The following NDRG3 variants were observed in gnomAD, a reference collection of about 807,000 sequenced individuals.
NDRG3 encodes NDRG family member 3.
NDRG3 carries 23 observed loss-of-function variants against 57.2 expected under a neutral mutation model. That is an observed-to-expected ratio of 0.40 (90% confidence interval 0.29 to 0.57). NDRG3 has a LOEUF of 0.57. Ranked by LOEUF, NDRG3 falls within the 20% of genes least tolerant of loss-of-function variation. The probability of loss-of-function intolerance (pLI) is 0.42; values close to 1 mark genes in which losing one functional copy is unlikely to be tolerated. For synonymous variants in NDRG3, 132 were observed against 162.6 expected (o/e 0.81, Z 1.43); for missense variants, 384 against 457.3 (o/e 0.84, Z 1.46).
chr20:36,666,237 C>T, intron 10 of NDRG3, 52 bp downstream of exon 10: 1 of 1,378,016 alleles, frequency 7.3e-7, no homozygotes, highest in Non-Finnish European at 1.0e-6. Flanking sequence ...TCCCACCCTC[C>T]TCTTTTTAGA....
chr20:36,690,948 G>T (rs899429008), intron 3 of NDRG3, among the ~76,000 whole-genome samples: 5 of 152,256 alleles, frequency 3.3e-5, no homozygotes, highest in African/African-American at 1.2e-4. Context: ...GGAAAAAAAA[G>T]GGACTACTGA....
chr20:36,716,099 G>A (rs990075981), intron 2 of NDRG3, among the ~76,000 whole-genome samples: 1 of 151,032 alleles, frequency 6.6e-6, no homozygotes, highest in African/African-American at 2.4e-5. Context: ...TGGCATAAAC[G>A]CTTTGGCTGT....
chr20:36,739,443 C>A (rs1205053558), intron 1 of NDRG3, among the ~76,000 whole-genome samples: 2 of 138,720 alleles, frequency 1.4e-5, no homozygotes, highest in Non-Finnish European at 3.2e-5. Flanking sequence ...TGAGACTCCG[C>A]CTCAAAAAAA....
intron 8 of NDRG3, among the ~76,000 whole-genome samples, chr20:36,672,041 C>T (rs559230759): frequency 6.6e-6 from 1 of 152,242 alleles, no homozygotes; most frequent in Admixed American, 6.5e-5. Context: ...TGTATTTACA[C>T]TGGATTTATG....
At chr20:36,700,597 C>A (rs908402671) in intron 3 of NDRG3, 6 of 432,956 alleles carry the variant, frequency 1.4e-5, no homozygotes, top group African/African-American at 1.2e-4. Flanking sequence ...TTGTCTTAGT[C>A]AATTATCATC....
intron 2 of NDRG3, among the ~76,000 whole-genome samples, chr20:36,713,887 A>G (rs1375930385): frequency 6.6e-6 from 1 of 152,220 alleles, no homozygotes; most frequent in African/African-American, 2.4e-5. Flanking sequence ...GCTTTTAGAA[A>G]TAAGCTGATA....
intron 1 of NDRG3, among the ~76,000 whole-genome samples, chr20:36,728,092 C>T (rs569877282): frequency 7.3e-5 from 11 of 151,248 alleles, no homozygotes; most frequent in East Asian, 5.9e-4. Context: ...CTCGCTGTGT[C>T]GCCCAGGGTG....
At chr20:36,744,570 C>A (rs1600988573) in intron 1 of NDRG3, among the ~76,000 whole-genome samples, 1 of 151,964 alleles carries the variant, frequency 6.6e-6, no homozygotes, top group Non-Finnish European at 1.5e-5. Flanking sequence ...GAAGGCTTCA[C>A]AGAGAAGGTG....
At chr20:36,682,419 A>G in intron 7 of NDRG3, 99 bp downstream of exon 7, 5 of 940,464 alleles carry the variant, frequency 5.3e-6, no homozygotes, top group Non-Finnish European at 8.3e-6. Flanking sequence ...AAAAACTGAC[A>G]TAAGGCCCAG....
At chr20:36,726,007 C>T (rs1984912167) in intron 1 of NDRG3, among the ~76,000 whole-genome samples, 1 of 150,236 alleles carries the variant, frequency 6.7e-6, no homozygotes, top group South Asian at 2.1e-4. Flanking sequence ...TGGCTCTCAA[C>T]CTCCCAGCCT....
intron 1 of NDRG3, among the ~76,000 whole-genome samples, chr20:36,743,503 A>G (rs1281447474): frequency 6.7e-6 from 1 of 149,550 alleles, no homozygotes; most frequent in Admixed American, 6.7e-5. Context: ...TCAAAAAATA[A>G]TAATAATAAT....
At chr20:36,716,339 C>T (rs1182452689) in intron 2 of NDRG3, among the ~76,000 whole-genome samples, 3 of 152,060 alleles carry the variant, frequency 2.0e-5, no homozygotes, top group African/African-American at 7.2e-5. Context: ...TCAAGACCAG[C>T]CTGGCCAACA....
At chr20:36,689,140 G>A (rs1982047166) in intron 3 of NDRG3, among the ~76,000 whole-genome samples, 1 of 152,180 alleles carries the variant, frequency 6.6e-6, no homozygotes, top group African/African-American at 2.4e-5. Context: ...ATTACAGTGA[G>A]CTGAGATCGT....
At chr20:36,706,488 A>G (rs1349916166) in intron 3 of NDRG3, among the ~76,000 whole-genome samples, 1 of 152,118 alleles carries the variant, frequency 6.6e-6, no homozygotes, top group East Asian at 1.9e-4. Context: ...TGAACACGAT[A>G]GCAAATCAGT....
chr20:36,728,711 T>C (rs1985096090), intron 1 of NDRG3, among the ~76,000 whole-genome samples: 1 of 152,004 alleles, frequency 6.6e-6, no homozygotes, highest in African/African-American at 2.4e-5. Flanking sequence ...TCAAGGCATT[T>C]TGGTTTTTTT....
At chr20:36,733,174 ATATATATATAT>A (rs1985419916) in intron 1 of NDRG3, among the ~76,000 whole-genome samples, 2 of 36,278 alleles carry the variant, frequency 5.5e-5, no homozygotes, top group African/African-American at 2.8e-4. Context: ...AAAAAAAAAT[ATATATATATAT>A]ATATATATAT....
intron 3 of NDRG3, among the ~76,000 whole-genome samples, chr20:36,697,432 C>T (rs930809412): frequency 1.3e-5 from 2 of 152,100 alleles, no homozygotes; most frequent in African/African-American, 4.8e-5. Flanking sequence ...CAGGGCCGGG[C>T]GCAGTGGCTC....
At chr20:36,694,696 T>C (rs1047805270) in intron 3 of NDRG3, among the ~76,000 whole-genome samples, 4 of 152,180 alleles carry the variant, frequency 2.6e-5, no homozygotes, top group Non-Finnish European at 4.4e-5. Flanking sequence ...CTCTACACAG[T>C]TTTCTCCAGC....
At chr20:36,744,978 G>T (rs538361835) in intron 1 of NDRG3, among the ~76,000 whole-genome samples, 1 of 151,320 alleles carries the variant, frequency 6.6e-6, no homozygotes, top group South Asian at 2.1e-4. Flanking sequence ...GGGGGGGGGG[G>T]GGCGCGGCGG....
Sources: allele counts gnomAD v4.1 joint callset (sites outside exome capture counted in the v4.1 genomes callset), GRCh38; gene constraint gnomAD v4.1.1; transcripts MANE v1.5; gene names NCBI Gene and HGNC (gene_info 2026-07-23, HGNC 2026-07-21).